Variants in SDHC observed in about 807,000 individuals in gnomAD.
The protein encoded by SDHC is succinate dehydrogenase cytochrome b560 subunit, mitochondrial.
In SDHC, 11 loss-of-function variants were observed where a neutral mutation model predicts 22.6. That is an observed-to-expected ratio of 0.49 (90% CI 0.31 to 0.81). SDHC has a LOEUF of 0.81. SDHC is among the 30% of genes least tolerant of loss of function. The pLI is 0.05. For synonymous variants in SDHC, 80 were observed against 77.8 expected (o/e 1.03, Z -0.15); for missense variants, 160 against 212.0 (o/e 0.75, Z 1.52).
intron 3 of SDHC, among the ~76,000 whole-genome samples, chr1:161,335,556 A>G (rs527940962): frequency 6.6e-6 from 1 of 152,288 alleles, no homozygotes; most frequent in African/African-American, 2.4e-5. Flanking sequence ...CAAGGATAAT[A>G]TGGATCAAGC....
chr1:161,360,745 G>T (rs1281986490), intron 5 of SDHC, among the ~76,000 whole-genome samples: 1 of 151,892 alleles, frequency 6.6e-6, no homozygotes, highest in East Asian at 1.9e-4. Flanking sequence ...AGAAAAGTGG[G>T]TTTTAACTCA....
intron 1 of SDHC, among the ~76,000 whole-genome samples, chr1:161,319,653 G>A (rs930512787): frequency 6.6e-6 from 1 of 151,960 alleles, no homozygotes; most frequent in Non-Finnish European, 1.5e-5. Flanking sequence ...CACCATGTCG[G>A]CCAGGCTTGT....
At chr1:161,323,587 T>C (rs779057007) in intron 1 of SDHC, 27 bp from the exon 2 acceptor site, 1 of 1,596,736 alleles carries the variant, frequency 6.3e-7, no homozygotes, top group African/African-American at 1.3e-5. Context: ...TAAATGTGTA[T>C]TGATTTTTGA....
At chr1:161,356,271 G>A (rs1004563972) in intron 4 of SDHC, among the ~76,000 whole-genome samples, 1 of 152,114 alleles carries the variant, frequency 6.6e-6, no homozygotes, top group Non-Finnish European at 1.5e-5. Flanking sequence ...GGGTGCAGTG[G>A]CTCACACCTG....
intron 2 of SDHC, among the ~76,000 whole-genome samples, chr1:161,327,050 G>A (rs1178244258): frequency 1.3e-5 from 2 of 152,072 alleles, no homozygotes; most frequent in African/African-American, 4.8e-5. Flanking sequence ...TCAGCCTCCC[G>A]AGTAACTGGG....
chr1:161,317,564 T>TG (rs1421153878), intron 1 of SDHC, among the ~76,000 whole-genome samples: 2 of 131,784 alleles, frequency 1.5e-5, no homozygotes, highest in African/African-American at 5.7e-5. Flanking sequence ...TTTTTTTTTT[T>TG]TTTTTTTTTT....
chr1:161,328,148 C>T (rs948850752), intron 2 of SDHC, among the ~76,000 whole-genome samples: 22 of 151,874 alleles, frequency 1.4e-4, no homozygotes, highest in African/African-American at 3.6e-4. Context: ...GGATTACAGG[C>T]GCCCGCCACC....
At chr1:161,316,527 C>A (rs114534259) in intron 1 of SDHC, among the ~76,000 whole-genome samples, 3,141 of 152,320 alleles carry the variant, frequency 0.021, 101 homozygotes, top group African/African-American at 0.072. Context: ...GGTAGGGTTA[C>A]AGATTAAAAT....
chr1:161,354,041 G>C (rs567318579), intron 4 of SDHC, among the ~76,000 whole-genome samples: 1 of 147,706 alleles, frequency 6.8e-6, no homozygotes, highest in South Asian at 2.1e-4. Flanking sequence ...AGTAGAGACA[G>C]GGTCTCATTA....
Position 161,356,779 on chromosome 1 carries a change from C to T in SDHC, c.344C>T (p.Thr115Ile). 6.2e-7 allele frequency: 1 copy of T among 1,614,110 alleles called. No homozygotes were observed. ...TGTCTGGGGCCAGCACTGATCCACA[C>T]AGCTAAGTTTGCACTTGTCTTCCCT... ...SLCLGPALIH[T>I]AKFALVFPLM... The change falls in exon 5 of 6, where the codon ACA becomes ATA. Residue 115 changes from threonine (T) to isoleucine (I), a missense_variant. By Grantham distance (89) the Thr-to-Ile change is moderately conservative. This residue lies in a region of SDHC where 74 missense variants were observed against 128.6 expected (regional missense o/e 0.58). Coordinates refer to ENST00000367975, the MANE Select transcript of SDHC (RefSeq NM_003001.5).
chr1:161,358,930 C>A (rs79974800), intron 5 of SDHC, among the ~76,000 whole-genome samples: 125 of 115,492 alleles, frequency 1.1e-3, no homozygotes, highest in African/African-American at 1.2e-3. Flanking sequence ...AATTCCGTCT[C>A]AAAAAAAAAA....
intron 3 of SDHC, among the ~76,000 whole-genome samples, chr1:161,338,562 T>G (rs931095022): frequency 6.6e-6 from 1 of 152,196 alleles, no homozygotes; most frequent in Non-Finnish European, 1.5e-5. Context: ...AAGTTGATGA[T>G]TCATAATTTA....
chr1:161,320,845 T>TTTTTTTTA (rs1553261439), intron 1 of SDHC, among the ~76,000 whole-genome samples: 2 of 150,912 alleles, frequency 1.3e-5, no homozygotes, highest in African/African-American at 4.9e-5. Flanking sequence ...TTTTTTTTTT[T>TTTTTTTTA]GAGATGGAGT....
chr1:161,319,606 C>T lies in SDHC; in HGVS notation c.21-4008C>T, dbSNP rs182153986. ...GCATTACAGGGGTGTGCCAGTATGCCTGGCTAATTTTTGTATTTTTACTAG... is the reference window on the plus strand; with the variant it reads ...GCATTACAGGGGTGTGCCAGTATGCTTGGCTAATTTTTGTATTTTTACTAG... On this transcript the variant is annotated intron_variant, in intron 1 of 5. Transcript: ENST00000367975. 2.9e-3 allele frequency among the ~76,000 whole-genome samples: 435 copies of T among 152,128 alleles called. 3 individuals carry two copies. Among genetic ancestry groups the T allele is most frequent in the Middle Eastern group, 0.01 (3 of 294 alleles).
At chr1:161,316,480 T>C (rs1008340809) in intron 1 of SDHC, among the ~76,000 whole-genome samples, 2 of 152,220 alleles carry the variant, frequency 1.3e-5, no homozygotes, top group African/African-American at 2.4e-5. Flanking sequence ...TAACCCTGAG[T>C]TGACACAGCA....
At chr1:161,360,226 C>G (rs1672454413) in intron 5 of SDHC, among the ~76,000 whole-genome samples, 1 of 149,336 alleles carries the variant, frequency 6.7e-6, no homozygotes, top group African/African-American at 2.5e-5. Flanking sequence ...ATGTTAATAT[C>G]CCTAAGACAC....
chr1:161,357,679 G>A (rs1362720805), intron 5 of SDHC, among the ~76,000 whole-genome samples: 2 of 152,132 alleles, frequency 1.3e-5, no homozygotes, highest in Admixed American at 6.5e-5. Flanking sequence ...GATTACAGAC[G>A]TGAGCCACTG....
intron 2 of SDHC, among the ~76,000 whole-genome samples, chr1:161,324,267 C>T (rs1670966266): frequency 6.6e-6 from 1 of 152,166 alleles, no homozygotes; most frequent in Admixed American, 6.5e-5. Flanking sequence ...TGCCACCATG[C>T]CTGGCTAATT....
rs987441155 is a variant in SDHC, at chr1:161,362,897, C to T, written c.*464C>T. On this transcript the variant is annotated 3_prime_UTR_variant, in exon 6 of 6. Transcript: ENST00000367975. ...GGACAATTCTCTTCATTGGTGAGAG[C>T]CCAGGCCATTAACACCTACACAGTG... The T allele has an allele frequency of 4.7e-6, 2 of 427,748 alleles. No individual in the cohort carries two copies. Among genetic ancestry groups the T allele is most frequent in the South Asian group, 2.3e-5 (1 of 43,008 alleles). The allele number at this position is 427,748 out of a possible 1,614,324, so 26.5% of individuals were successfully genotyped here. A position where few individuals can be genotyped will look rare whatever the true frequency, so the allele number is the denominator to read the frequency against.
Sources: gnomAD v4.1 joint callset for allele counts (sites outside exome capture counted in the v4.1 genomes callset) on GRCh38, gnomAD v4.1.1 for gene constraint, gnomAD v4.1.1 regional missense constraint, MANE v1.5 for transcripts, NCBI Gene and HGNC (gene_info 2026-07-23, HGNC 2026-07-21) for gene names.